The following A2M variants were observed in gnomAD, a reference collection of about 807,000 sequenced individuals.
A2M encodes the protein C3 and PZP-like alpha-2-macroglobulin domain-containing protein 5.
A2M carries 128 observed loss-of-function variants against 183.9 expected under a neutral mutation model. That is an observed-to-expected ratio of 0.70 (90% CI 0.60 to 0.81). The LOEUF is 0.81. Ranked by LOEUF, A2M falls within the 30% of genes least tolerant of loss-of-function variation. The pLI, the probability that A2M is intolerant of heterozygous loss-of-function variation, is 0.00. For missense variants in A2M, 1,495 were observed against 1,787.6 expected, an observed-to-expected ratio of 0.84 and a Z score of 2.95; for synonymous variants, 592 against 670.8, an observed-to-expected ratio of 0.88 and a Z score of 1.81.
rs747036702 is a variant in A2M at position 9,077,366 on chromosome 12, C to G, written c.3331G>C (p.Glu1111Gln). 6.2e-7 allele frequency: 1 copy of G among 1,613,518 alleles called. No homozygotes were observed. The highest frequency in any genetic ancestry group is 8.5e-7 in the Non-Finnish European group (1 of 1,179,780). ...LSAYITIALLEIPLTVTHPVV... is the reference protein window; with the variant it reads ...LSAYITIALLQIPLTVTHPVV... Reference sequence around the variant, plus strand: ...CCTACAGTGACTGTGAGAGGAATCTCCAGAAGGGCGATGGTGATATAGGCG... The same window carrying G: ...CCTACAGTGACTGTGAGAGGAATCTGCAGAAGGGCGATGGTGATATAGGCG... The change falls in exon 27 of 36, where the codon GAG becomes CAG. Residue 1111 changes from glutamate (E) to glutamine (Q), a missense_variant. Physicochemically the swap from Glu to Gln is conservative, Grantham distance 29. Coordinates refer to ENST00000318602, the MANE Select transcript of A2M (RefSeq NM_000014.6).
At chr12:9,100,427 C>CTTAT (rs376019530) in intron 13 of A2M, among the ~76,000 whole-genome samples, 2,988 of 151,636 alleles carry the variant, frequency 0.02, 45 homozygotes, top group Middle Eastern at 0.048. Flanking sequence ...CCCCTTTGTT[C>CTTAT]TTATTTATTT....
chr12:9,100,506 T>C (rs1937749463), intron 13 of A2M, among the ~76,000 whole-genome samples: 1 of 152,144 alleles, frequency 6.6e-6, no homozygotes, highest in Non-Finnish European at 1.5e-5. Flanking sequence ...CTCAAACTCC[T>C]GACCTCAAGA....
chr12:9,093,472 C>A lies in A2M; in HGVS notation c.2233G>T (p.Val745Leu). 6.2e-7 allele frequency: 1 copy of A among 1,613,076 alleles called. No homozygotes were observed. Among genetic ancestry groups the A allele is most frequent in the Admixed American group, 1.7e-5 (1 of 60,018 alleles). The change falls in exon 18 of 36, where the codon GTG (valine) becomes TTG (leucine). Residue 745 changes from valine to leucine, a missense_variant. Coordinates refer to ENST00000318602, the MANE Select transcript of A2M (RefSeq NM_000014.6). ...FPETWIWDLV[V>L]VNSAGVAEVG... Reference sequence around the variant, plus strand: ...ATGCAGGAAGTTACTTACTTTACCACCACCAAATCCCAGATCCATGTCTCA... The same window carrying A: ...ATGCAGGAAGTTACTTACTTTACCAACACCAAATCCCAGATCCATGTCTCA...
intron 31 of A2M, 145 bp from the exon 32 acceptor site, chr12:9,070,723 T>C (rs1283959821): frequency 1.6e-6 from 1 of 612,370 alleles, no homozygotes; most frequent in African/African-American, 1.9e-5. Flanking sequence ...GTAAAAGTGG[T>C]GTGCGTAGAA....
chr12:9,115,993 TAAAC>T, upstream of A2M: 2 of 708,848 alleles, frequency 2.8e-6, no homozygotes, highest in Non-Finnish European at 5.2e-6. Flanking sequence ...ACAAGATCTC[TAAAC>T]AAAGTTGAGG....
rs556274249 is a variant in A2M at position 9,084,740 on chromosome 12, T to C, written c.2770+4460A>G. ...ATTTAAAAGACATAAAGTGACTGAA[T>C]GGATTTAAAAAAACAGGACCGAAAC... On this transcript the variant is annotated intron_variant, in intron 22 of 35. Transcript: ENST00000318602. 3.7e-4 allele frequency among the ~76,000 whole-genome samples: 57 copies of C among 152,164 alleles called. No homozygotes were observed. The South Asian group carries it at 0.011, about 30-fold the overall frequency.
At position 9,079,782 on chromosome 12, in the gene A2M, T is replaced by C; in HGVS notation, c.2888A>G (p.Gln963Arg). The C allele has an allele frequency of 6.2e-7, 1 of 1,612,292 alleles. No individual in the cohort carries two copies. Among genetic ancestry groups the C allele is most frequent in the Non-Finnish European group, 8.5e-7 (1 of 1,179,266 alleles). The change falls in exon 24 of 36, where the codon CAA (glutamine) becomes CGA (arginine). Residue 963 changes from glutamine (Q) to arginine (R), a missense_variant. By Grantham distance (43) the Gln-to-Arg change is conservative. Coordinates refer to ENST00000318602, the MANE Select transcript of A2M (RefSeq NM_000014.6). ...DILGSAMQNT[Q>R]NLLQMPYGCG... ...GCCATAGGGCATCTGGAGAAGATTT[T>C]GTGTGTTTTGCATGGCAGAGCCTAA... is the stretch of plus-strand genomic sequence containing the variant.
At chr12:9,077,968 C>T in intron 25 of A2M, 111 bp from the exon 26 acceptor site, 3 of 1,234,346 alleles carry the variant, frequency 2.4e-6, no homozygotes, top group Non-Finnish European at 3.5e-6. Flanking sequence ...TTCTTGTGTA[C>T]TTAGAGAGCT....
Position 9,104,406 on chromosome 12 carries a change from G to T in A2M, c.1105-6C>A. On this transcript the variant is annotated splice_region_variant and splice_polypyrimidine_tract_variant and intron_variant, in intron 10 of 35. Transcript: ENST00000318602. ...TTCCCATCTACTAGGCGCACCTGAA[G>T]ATTAAAAGCTGTGGATTAGTTATAT... is the stretch of plus-strand genomic sequence containing the variant. 6.3e-7 allele frequency: 1 copy of T among 1,576,406 alleles called. No individual in the cohort carries two copies.
intron 13 of A2M, among the ~76,000 whole-genome samples, chr12:9,099,786 A>G (rs1345449481): frequency 2.0e-5 from 3 of 152,212 alleles, no homozygotes; most frequent in Non-Finnish European, 4.4e-5. Flanking sequence ...ATTCACTACC[A>G]TTTGATCTAG....
In A2M at chr12:9,106,271, A is replaced by G; in HGVS notation, c.1069T>C (p.Ser357Pro). The change falls in exon 10 of 36, where the codon TCA (serine) becomes CCA (proline). Residue 357 changes from serine (S) to proline (P), a missense_variant. Transcript: ENST00000318602. Reference sequence around the variant, plus strand: ...AAGGGAATTCCCTGTCGAAAGTGTGAGTCCACTTTCACAAATGAGAGTTTG... The same window carrying G: ...AAGGGAATTCCCTGTCGAAAGTGTGGGTCCACTTTCACAAATGAGAGTTTG... ...ITKLSFVKVD[S>P]HFRQGIPFFG... 6.2e-7 allele frequency: 1 copy of G among 1,612,542 alleles called. No homozygotes were observed. Among genetic ancestry groups the G allele is most frequent in the Non-Finnish European group, 8.5e-7 (1 of 1,178,588 alleles).
intron 25 of A2M, among the ~76,000 whole-genome samples, chr12:9,078,929 G>A (rs1948825254): frequency 6.6e-6 from 1 of 152,158 alleles, no homozygotes; most frequent in South Asian, 2.1e-4. Flanking sequence ...TTATCTGGAA[G>A]TTATATATGT....
chr12:9,101,558 A>C lies in A2M; in HGVS notation c.1383T>G (p.Leu461=). 1.2e-6 allele frequency: 2 copies of C among 1,614,018 alleles called. No homozygotes were observed. The highest frequency in any genetic ancestry group is 1.7e-6 in the Non-Finnish European group (2 of 1,179,884). ...AGGGTAGTTCATGAGACATGGGCTC[A>C]AGGTGGACAAAGCTCTTGCTTGGGG... The part of the protein sequence containing the change: ...VFSPSKSFVH[L]EPMSHELPCG... Residue 461 remains leucine (L), a synonymous_variant, in exon 12 of 36, where the codon CTT becomes CTG. Transcript: ENST00000318602.
intron 24 of A2M, 110 bp from the exon 25 acceptor site, chr12:9,079,441 G>T: frequency 2.4e-6 from 3 of 1,254,134 alleles, no homozygotes; most frequent in Non-Finnish European, 3.4e-6. Context: ...AAATTTTGTT[G>T]TCATAGATTA....
intron 10 of A2M, 43 bp downstream of exon 10, chr12:9,106,193 G>C (rs1183579047): frequency 2.6e-6 from 3 of 1,159,844 alleles, no homozygotes; most frequent in Non-Finnish European, 3.9e-6. Context: ...TGCTAATTAG[G>C]TAACAGTACA....
chr12:9,077,639 C>A, intron 26 of A2M, 62 bp downstream of exon 26: 1 of 1,586,986 alleles, frequency 6.3e-7, no homozygotes, highest in African/African-American at 1.3e-5. Flanking sequence ...ATTATCACTT[C>A]CTATCCTCAT....
chr12:9,101,568 A>C lies in A2M; in HGVS notation c.1373T>G (p.Phe458Cys), dbSNP rs752422412. The part of the protein sequence containing the change: ...AYLVFSPSKS[F>C]VHLEPMSHEL... The stretch of plus-strand genomic sequence containing the variant: ...ATGAGACATGGGCTCAAGGTGGACA[A>C]AGCTCTTGCTTGGGGAGAACACAAG... Residue 458 changes from phenylalanine to cysteine, a missense_variant, in exon 12 of 36, where the codon TTT (phenylalanine) becomes TGT (cysteine). Physicochemically the swap from Phe to Cys is radical, Grantham distance 205. Transcript: ENST00000318602. 2 of 1,613,894 alleles carry C rather than the reference A, an allele frequency of 1.2e-6. No individual in the cohort carries two copies. The highest frequency in any genetic ancestry group is 2.7e-5 in the African/African-American group (2 of 74,928).
At position 9,067,742 on chromosome 12, in the gene A2M, C is replaced by A; in HGVS notation, c.*81G>T. The A allele has an allele frequency of 7.7e-7, 1 of 1,303,348 alleles. No individual in the cohort carries two copies. The highest frequency in any genetic ancestry group is 1.2e-5 in the South Asian group (1 of 81,090). The allele number at this position is 1,303,348 out of a possible 1,614,324, so 80.7% of individuals were successfully genotyped here. On this transcript the variant is annotated 3_prime_UTR_variant, in exon 36 of 36. Coordinates refer to ENST00000318602, the MANE Select transcript of A2M (RefSeq NM_000014.6). Reference sequence around the variant, plus strand: ...CAGAAAAAGTGTTTATTCATCAAGTCTTTAAAGATACAAAAACACGTGTCT... The same window carrying A: ...CAGAAAAAGTGTTTATTCATCAAGTATTTAAAGATACAAAAACACGTGTCT...
intron 15 of A2M, among the ~76,000 whole-genome samples, chr12:9,098,180 G>A (rs1343286367): frequency 6.6e-6 from 1 of 152,054 alleles, no homozygotes; most frequent in Non-Finnish European, 1.5e-5. Flanking sequence ...TTGCATAACT[G>A]CACTTCTCAT....
Sources: gnomAD v4.1 joint callset for allele counts (sites outside exome capture counted in the v4.1 genomes callset) on GRCh38, gnomAD v4.1.1 for gene constraint, MANE v1.5 for transcripts, NCBI Gene and HGNC (gene_info 2026-07-23, HGNC 2026-07-21) for gene names.